PPFIA4: variants seen among roughly 807,000 people sequenced by gnomAD.
The protein encoded by PPFIA4 is liprin-alpha-4.
In PPFIA4, 98 loss-of-function variants were observed where a neutral mutation model predicts 145.7. The ratio of observed to expected loss-of-function variants is 0.67; its 90% CI spans 0.57 to 0.80. PPFIA4 has a LOEUF of 0.80. PPFIA4 is among the 30% of genes least tolerant of loss of function. The pLI is 0.00. For synonymous variants in PPFIA4, 628 were observed against 649.6 expected, an observed-to-expected ratio of 0.97 and a Z score of 0.51; for missense variants, 1,457 against 1,632.7, an observed-to-expected ratio of 0.89 and a Z score of 1.85.
At chr1:203,033,124 A>G (rs935006782) in intron 1 of PPFIA4, among the ~76,000 whole-genome samples, 2 of 152,188 alleles carry the variant, frequency 1.3e-5, no homozygotes, top group Non-Finnish European at 2.9e-5. Context: ...TATACTTCTC[A>G]GAACTGTTTC....
At position 203,055,366 on chromosome 1, in the gene PPFIA4, C is replaced by T. The variant is rs553802687; in HGVS notation, c.1830-66C>T. 5.9e-5 allele frequency: 95 copies of T among 1,601,630 alleles called. No homozygotes were observed. Among genetic ancestry groups the T allele is most frequent in the Middle Eastern group, 3.3e-4 (2 of 6,004 alleles). ...CCTTGGTGGCGAGTGCAGGCATCGA[C>T]CCGCACTGCCTCCTGCTGGTCCTGG... On this transcript the variant is annotated intron_variant, in intron 15 of 29. Transcript: ENST00000295706. The surrounding 1 kb of genome is among the most constrained non-coding windows in gnomAD (Gnocchi z 4.8).
chr1:203,064,059 G>C (rs1177797394), intron 25 of PPFIA4, 56 bp downstream of exon 25: 1 of 1,567,522 alleles, frequency 6.4e-7, no homozygotes, highest in Non-Finnish European at 8.7e-7. Context: ...CCCTAGCTCT[G>C]AGGGTCTGCC....
Position 203,068,329 on chromosome 1 carries a change from G to C in PPFIA4, c.3149-124G>C. The C allele has an allele frequency of 1.2e-6, 1 of 812,346 alleles. No individual in the cohort carries two copies. Among genetic ancestry groups the C allele is most frequent in the Admixed American group, 3.7e-5 (1 of 26,862 alleles). The allele number at this position is 812,346 out of a possible 1,614,324, so 50.3% of individuals were successfully genotyped here. A position where few individuals can be genotyped will look rare whatever the true frequency, so the allele number is the denominator to read the frequency against. ...AAGAAGATATGGAAATTTAGGGATG[G>C]AGTGGGGGTCAGAGAGCAGGGTGGA... is the stretch of plus-strand genomic sequence containing the variant. On this transcript the variant is annotated intron_variant, in intron 26 of 29. Transcript: ENST00000295706. This position sits in a 1 kb window ranked among gnomAD's most constrained non-coding sequence, Gnocchi z 4.7.
chr1:203,049,009 C>G, intron 12 of PPFIA4, 29 bp downstream of exon 12: 1 of 1,545,142 alleles, frequency 6.5e-7, no homozygotes, highest in South Asian at 1.2e-5. Context: ...CCCCGCCCAG[C>G]CTGGGAGGGC....
At position 203,060,438 on chromosome 1, in the gene PPFIA4, C is replaced by T. The variant is rs375220291; in HGVS notation, c.2784+21C>T. ...GGACTGTGAGTGGCCCCTCCTTTGC[C>T]CAGGACATTTTCAGAGGTCCTGGAA... On this transcript the variant is annotated intron_variant, in intron 22 of 29. Transcript: ENST00000295706. The surrounding 1 kb of genome is among the most constrained non-coding windows in gnomAD (Gnocchi z 4.8). The T allele has an allele frequency of 6.2e-7, 1 of 1,609,442 alleles. No individual in the cohort carries two copies. Among genetic ancestry groups the T allele is most frequent in the African/African-American group, 1.3e-5 (1 of 74,920 alleles).
intron 20 of PPFIA4, 43 bp from the exon 21 acceptor site, chr1:203,059,727 G>C (rs1661226944): frequency 6.5e-7 from 1 of 1,543,186 alleles, no homozygotes; most frequent in Admixed American, 1.7e-5. Context: ...ACAGTTAAGG[G>C]AGAAGGAAGA....
intron 1 of PPFIA4, among the ~76,000 whole-genome samples, chr1:203,032,952 T>G (rs954286461): frequency 7.2e-5 from 11 of 152,140 alleles, no homozygotes; most frequent in Non-Finnish European, 2.9e-5. Context: ...AGGTGGCCCA[T>G]GTCTAACTCC....
In PPFIA4 at chr1:203,053,834, G is replaced by A. The variant is rs753419187; in HGVS notation, c.1702G>A (p.Val568Met). Reference sequence around the variant, plus strand: ...TGACAGTGACCCTGAGATCTCCGACGTGGATGAGGATGAGCCAGGGGGTCT... The same window carrying A: ...TGACAGTGACCCTGAGATCTCCGACATGGATGAGGATGAGCCAGGGGGTCT... ...AFDSDPEISD[V>M]DEDEPGGLVG... is the part of the protein sequence containing the mutation. Residue 568 changes from valine to methionine, a missense_variant, in exon 15 of 30, where the codon GTG becomes ATG. Physicochemically the swap from Val to Met is conservative, Grantham distance 21. Around this residue, in one of 3 missense-constraint regions of PPFIA4, gnomAD observed 848 missense variants for 1,046.7 expected, o/e 0.81. Transcript: ENST00000295706. The A allele has an allele frequency of 1.3e-6, 2 of 1,554,266 alleles. No homozygotes were observed. Among genetic ancestry groups the A allele is most frequent in the South Asian group, 1.2e-5 (1 of 84,168 alleles).
chr1:203,037,158 C>A, intron 1 of PPFIA4: 1 of 362,170 alleles, frequency 2.8e-6, no homozygotes, highest in Non-Finnish European at 5.8e-6. Context: ...TCTTCCTTTC[C>A]CCTGTTTCTG....
chr1:203,075,208 C>T lies in PPFIA4; in HGVS notation c.3394-369C>T, dbSNP rs1376054526. On this transcript the variant is annotated intron_variant, in intron 28 of 29. Coordinates refer to ENST00000295706, the MANE Select transcript of PPFIA4 (RefSeq NM_001304331.2). The surrounding 1 kb of genome is among the most constrained non-coding windows in gnomAD (Gnocchi z 4.1). ...AGTGTGTATAGGGACCGGCTGTCACCTCCCATGGGCTGAGGCAGAGGAATG... is the reference window on the plus strand; with the variant it reads ...AGTGTGTATAGGGACCGGCTGTCACTTCCCATGGGCTGAGGCAGAGGAATG... Among the ~76,000 whole-genome samples the T allele has an allele frequency of 1.3e-5, 2 of 152,056 alleles. No homozygotes were observed. Among genetic ancestry groups the T allele is most frequent in the Non-Finnish European group, 2.9e-5 (2 of 68,020 alleles).
In PPFIA4 at chr1:203,043,728, G is replaced by A. The variant is rs145527613; in HGVS notation, c.337-203G>A. Among the ~76,000 whole-genome samples the A allele has an allele frequency of 3.5e-3, 528 of 152,286 alleles. No homozygotes were observed. The highest frequency in any genetic ancestry group is 5.5e-3 in the Non-Finnish European group (375 of 68,022). On this transcript the variant is annotated intron_variant, in intron 3 of 29. Coordinates refer to ENST00000295706, the MANE Select transcript of PPFIA4 (RefSeq NM_001304331.2). The surrounding 1 kb of genome is among the most constrained non-coding windows in gnomAD (Gnocchi z 4.4). The stretch of plus-strand genomic sequence containing the variant: ...AGTTGCTGGTTCACAGAAAGCTCAG[G>A]GTCCTGGGGAGAGGCCGGGGCAGTC...
chr1:203,029,130 T>C (rs1473802194), intron 1 of PPFIA4, among the ~76,000 whole-genome samples: 1 of 152,166 alleles, frequency 6.6e-6, no homozygotes, highest in Non-Finnish European at 1.5e-5. Context: ...ACTCCAGGGC[T>C]GGTCTGAGCC....
At chr1:203,072,027 C>T (rs894365119) in intron 28 of PPFIA4, among the ~76,000 whole-genome samples, 1 of 152,150 alleles carries the variant, frequency 6.6e-6, no homozygotes, top group African/African-American at 2.4e-5. Context: ...CAGCATCTTC[C>T]AATTCTGTGC....
chr1:203,045,391 G>C lies in PPFIA4; in HGVS notation c.690G>C (p.Glu230Asp), dbSNP rs1660002647. 1 of 1,605,246 alleles carries C rather than the reference G, an allele frequency of 6.2e-7. No individual in the cohort carries two copies. Among genetic ancestry groups the C allele is most frequent in the Non-Finnish European group, 8.5e-7 (1 of 1,176,522 alleles). Reference sequence around the variant, plus strand: ...AGGAGGATACGGGCCGGGTAGAGGAGCTGCAGGAGCTCCTGGAGAAGCAGA... The same window carrying C: ...AGGAGGATACGGGCCGGGTAGAGGACCTGCAGGAGCTCCTGGAGAAGCAGA... ...LWKEDTGRVE[E>D]LQELLEKQNF... The change falls in exon 7 of 30, where the codon GAG becomes GAC. Residue 230 changes from glutamate to aspartate, a missense_variant. Around this residue, in one of 3 missense-constraint regions of PPFIA4, gnomAD observed 463 missense variants for 459.8 expected, o/e 1.01. Transcript: ENST00000295706.
chr1:203,046,416 T>TC, intron 9 of PPFIA4, 34 bp downstream of exon 9: 2 of 1,554,192 alleles, frequency 1.3e-6, no homozygotes, highest in Non-Finnish European at 1.7e-6. Flanking sequence ...TCTGCCTCTG[T>TC]CCCCCATGTT....
intron 1 of PPFIA4, chr1:203,034,568 C>T: frequency 2.2e-6 from 1 of 456,286 alleles, no homozygotes; most frequent in Non-Finnish European, 4.4e-6. Flanking sequence ...GGGGGGAACT[C>T]AGGGAAGCTG....
intron 28 of PPFIA4, among the ~76,000 whole-genome samples, chr1:203,073,719 G>A (rs1268525902): frequency 6.6e-6 from 1 of 152,170 alleles, no homozygotes; most frequent in Non-Finnish European, 1.5e-5. Flanking sequence ...GAGGGGAGCA[G>A]GAAGGAATAA....
rs373760359 is a variant in PPFIA4 at position 203,048,368 on chromosome 1, G to C, written c.1224+58G>C. The stretch of plus-strand genomic sequence containing the variant: ...TCCTTCCCGCAGGACAGGCTCCCAG[G>C]GCGGTCTGTGGAAGGGGCACGGAGG... On this transcript the variant is annotated intron_variant, in intron 10 of 29. Coordinates refer to ENST00000295706, the MANE Select transcript of PPFIA4 (RefSeq NM_001304331.2). This position sits in a 1 kb window ranked among gnomAD's most constrained non-coding sequence, Gnocchi z 5.8. 3.7e-5 allele frequency: 58 copies of C among 1,576,436 alleles called. No homozygotes were observed. In the African/African-American group the frequency reaches 5.8e-4, roughly 16 times the overall value.
rs372002325 is a variant in PPFIA4, at chr1:203,068,478, G to T, written c.3174G>T (p.Gln1058His). Reference protein sequence around the residue: ...IKDVLVWTNDQVVHWVQSIGL... With the variant: ...IKDVLVWTNDHVVHWVQSIGL... The stretch of plus-strand genomic sequence containing the variant: ...ATGTGTTAGTCTGGACCAACGACCA[G>T]GTGGTTCATTGGGTCCAGTCTATTG... The change falls in exon 27 of 30, where the codon CAG (glutamine) becomes CAT (histidine). Residue 1058 changes from glutamine (Q) to histidine (H), a missense_variant. Physicochemically the swap from Gln to His is conservative, Grantham distance 24 (BLOSUM62 0). Coordinates refer to ENST00000295706, the MANE Select transcript of PPFIA4 (RefSeq NM_001304331.2). This position sits in a 1 kb window ranked among gnomAD's most constrained non-coding sequence, Gnocchi z 4.7. 4.9e-5 allele frequency: 78 copies of T among 1,607,974 alleles called. No individual in the cohort carries two copies. The African/African-American group carries it at 9.4e-4, about 19-fold the overall frequency.
Sources: gnomAD v4.1 joint callset for allele counts (sites outside exome capture counted in the v4.1 genomes callset) on GRCh38, gnomAD v4.1.1 for gene constraint, gnomAD v4.1.1 regional missense constraint, Gnocchi (gnomAD v3.1) non-coding constraint, MANE v1.5 for transcripts, NCBI Gene and HGNC (gene_info 2026-07-23, HGNC 2026-07-21) for gene names.